Variants in NKX2-8 observed in about 807,000 individuals in gnomAD.
NKX2-8 encodes the protein homeobox protein Nkx-2.8.
Under a neutral mutation model 6.4 loss-of-function variants are expected in NKX2-8, and 8 were observed. That is an observed-to-expected ratio of 1.24 (90% confidence interval 0.73 to 2.24). NKX2-8 has a LOEUF of 2.24. Among genes scored for constraint, NKX2-8 ranks in the 30% most tolerant of loss-of-function variants. NKX2-8 has a pLI of 0.00. For synonymous variants in NKX2-8, 216 were observed against 171.5 expected (o/e 1.26, Z -2.03); for missense variants, 406 against 351.1 (o/e 1.16, Z -1.25).
rs1410565745 is a variant in NKX2-8, at chr14:36,581,155, G to A, written c.467C>T (p.Ser156Phe). Reference sequence around the variant, plus strand: ...GCCGGGCGCGGCGTGCAGCTCGGCGGATGCTGCCAGGTCAGGCGACTCCGC... The same window carrying A: ...GCCGGGCGCGGCGTGCAGCTCGGCGAATGCTGCCAGGTCAGGCGACTCCGC... ...GAAESPDLAA[S>F]AELHAAPGLL... Residue 156 changes from serine to phenylalanine, a missense_variant, in exon 2 of 2, where the codon TCC becomes TTC. By Grantham distance (155) the Ser-to-Phe change is radical (BLOSUM62 -2). Transcript: ENST00000258829. This position sits in a 1 kb window ranked among gnomAD's most constrained non-coding sequence, Gnocchi z 5.6. 6.3e-7 allele frequency: 1 copy of A among 1,575,790 alleles called. No individual in the cohort carries two copies. Among genetic ancestry groups the A allele is most frequent in the Admixed American group, 1.8e-5 (1 of 55,668 alleles).
rs941327282 is a variant in NKX2-8, at chr14:36,581,018, G to C, written c.604C>G (p.Pro202Ala). 3 of 1,346,236 alleles carry C rather than the reference G, an allele frequency of 2.2e-6. No homozygotes were observed. Among genetic ancestry groups the C allele is most frequent in the Non-Finnish European group, 2.8e-6 (3 of 1,057,912 alleles). The allele number at this position is 1,346,236 out of a possible 1,614,324, so 83.4% of individuals were successfully genotyped here. A position where few individuals can be genotyped will look rare whatever the true frequency, so the allele number is the denominator to read the frequency against. ...CCCGGCAGAGGGCAGGCGGCGGCTG[G>C]AGGGGCGCCGCACTTCTCCTGGGCC... ...AAAQEKCGAP[P>A]AAACPLPGYP... Residue 202 changes from proline (P) to alanine (A), a missense_variant, in exon 2 of 2, where the codon CCA becomes GCA. By Grantham distance (27) the Pro-to-Ala change is conservative. Transcript: ENST00000258829. This position sits in a 1 kb window ranked among gnomAD's most constrained non-coding sequence, Gnocchi z 5.6.
chr14:36,580,468 CCA>C lies in NKX2-8; in HGVS notation c.*432_*433del, dbSNP rs1879179733. The C allele has an allele frequency of 6.5e-6, 1 of 154,504 alleles. No individual in the cohort carries two copies. The highest frequency in any genetic ancestry group is 2.1e-4 in the South Asian group (1 of 4,842). 9.6% of individuals were successfully genotyped at this position (154,504 alleles called of 1,614,324 possible). A position where few individuals can be genotyped will look rare whatever the true frequency, so the allele number is the denominator to read the frequency against. On this transcript the variant is annotated 3_prime_UTR_variant, in exon 2 of 2. Transcript: ENST00000258829. ...CCAGCTGGGGCCGGGCCCCACTTAGCCAGTCAAGGGGCGAGCCAGCGATGCGA... is the reference window on the plus strand; with the variant it reads ...CCAGCTGGGGCCGGGCCCCACTTAGCGTCAAGGGGCGAGCCAGCGATGCGA...
rs1566632200 is a variant in NKX2-8 at position 36,581,244 on chromosome 14, C to CGTGGGCGTGAGGCGAAGCAG, written c.358_377dup (p.Gln127CysfsTer20). 2 of 1,610,726 alleles carry CGTGGGCGTGAGGCGAAGCAG rather than the reference C, an allele frequency of 1.2e-6. No individual in the cohort carries two copies. Among genetic ancestry groups the CGTGGGCGTGAGGCGAAGCAG allele is most frequent in the South Asian group, 2.2e-5 (2 of 90,502 alleles). ...GATTCTGGAACCAGATCTTGACCTG[C>CGTGGGCGTGAGGCGAAGCAG]GTGGGCGTGAGGCGAAGCAGGCTCG... On this transcript the variant is annotated frameshift_variant, in exon 2 of 2. Coordinates refer to ENST00000258829, the MANE Select transcript of NKX2-8 (RefSeq NM_014360.4). LOFTEE classifies it low-confidence loss of function (END_TRUNC). The surrounding 1 kb of genome is among the most constrained non-coding windows in gnomAD (Gnocchi z 5.6).
rs1286052095 is a variant in NKX2-8 at position 36,581,123 on chromosome 14, G to T, written c.499C>A (p.Arg167Ser). The T allele has an allele frequency of 6.7e-6, 10 of 1,495,264 alleles. No individual in the cohort carries two copies. The highest frequency in any genetic ancestry group is 8.8e-6 in the Non-Finnish European group (10 of 1,133,498). The allele number at this position is 1,495,264 out of a possible 1,614,324, so 92.6% of individuals were successfully genotyped here. A position where few individuals can be genotyped will look rare whatever the true frequency, so the allele number is the denominator to read the frequency against. The change falls in exon 2 of 2, where the codon CGT becomes AGT. Residue 167 changes from arginine to serine, a missense_variant. By Grantham distance (110) the Arg-to-Ser change is moderately radical. Transcript: ENST00000258829. The surrounding 1 kb of genome is among the most constrained non-coding windows in gnomAD (Gnocchi z 5.6). ...AELHAAPGLLRRVVVPVLVRD... is the reference protein window; with the variant it reads ...AELHAAPGLLSRVVVPVLVRD... ...ACAAGCACCGGCACCACCACGCGAC[G>T]CAGCAGGCCGGGCGCGGCGTGCAGC...
At position 36,580,966 on chromosome 14, in the gene NKX2-8, G is replaced by T; in HGVS notation, c.656C>A (p.Ala219Glu). 3.0e-6 allele frequency: 4 copies of T among 1,350,190 alleles called. No individual in the cohort carries two copies. The highest frequency in any genetic ancestry group is 1.9e-6 in the Non-Finnish European group (2 of 1,060,344). 83.6% of individuals were successfully genotyped at this position (1,350,190 alleles called of 1,614,324 possible). The change falls in exon 2 of 2, where the codon GCG becomes GAG. Residue 219 changes from alanine (A) to glutamate (E), a missense_variant. Transcript: ENST00000258829. ...PGYPAFGPGS[A>E]LGLFPAYQHL... ...CTGGTAGGCGGGGAAGAGGCCAAGCGCCGAGCCGGGACCGAAGGCAGGGTA... is the reference window on the plus strand; with the variant it reads ...CTGGTAGGCGGGGAAGAGGCCAAGCTCCGAGCCGGGACCGAAGGCAGGGTA...
chr14:36,582,223 A>G lies in NKX2-8; in HGVS notation c.157+10T>C. 1 of 1,600,800 alleles carries G rather than the reference A, an allele frequency of 6.2e-7. No individual in the cohort carries two copies. The highest frequency in any genetic ancestry group is 8.5e-7 in the Non-Finnish European group (1 of 1,172,890). On this transcript the variant is annotated intron_variant, in intron 1 of 1. Coordinates refer to ENST00000258829, the MANE Select transcript of NKX2-8 (RefSeq NM_014360.4). ...CTCCCACCCCGCACCGCAATCCACC[A>G]CGCACTTACAAGGGTAGTGGCCGCG...
chr14:36,581,484 C>A lies in NKX2-8; in HGVS notation c.158-20G>T. On this transcript the variant is annotated intron_variant, in intron 1 of 1. Coordinates refer to ENST00000258829, the MANE Select transcript of NKX2-8 (RefSeq NM_014360.4). The surrounding 1 kb of genome is among the most constrained non-coding windows in gnomAD (Gnocchi z 5.6). ...CCGAGGCTAGGGACAGCAAAGGAGA[C>A]ACGGGTGGGTGAGACGCCGGACCCT... 1.3e-6 allele frequency: 2 copies of A among 1,513,768 alleles called. No individual in the cohort carries two copies. Among genetic ancestry groups the A allele is most frequent in the South Asian group, 1.4e-5 (1 of 73,984 alleles). 93.8% of individuals were successfully genotyped at this position (1,513,768 alleles called of 1,614,324 possible).
chr14:36,582,438 G>A lies in NKX2-8; in HGVS notation c.-49C>T. On this transcript the variant is annotated 5_prime_UTR_variant, in exon 1 of 2. Coordinates refer to ENST00000258829, the MANE Select transcript of NKX2-8 (RefSeq NM_014360.4). ...GGGCAGGGCAGGCTGGGAACGGAGG[G>A]GCGGCCGGGACGCCGCTCCTACGGA... 2 of 1,423,682 alleles carry A rather than the reference G, an allele frequency of 1.4e-6. No homozygotes were observed. The highest frequency in any genetic ancestry group is 1.6e-5 in the South Asian group (1 of 63,918). 88.2% of individuals were successfully genotyped at this position (1,423,682 alleles called of 1,614,324 possible).
chr14:36,582,580 G>A lies in NKX2-8; in HGVS notation c.-191C>T. ...CAGGCCGCTTTGAAAGCCGAGGTCCGGGTCTCCAGGGTGTTAAGTACCTGA... is the reference window on the plus strand; with the variant it reads ...CAGGCCGCTTTGAAAGCCGAGGTCCAGGTCTCCAGGGTGTTAAGTACCTGA... On this transcript the variant is annotated 5_prime_UTR_variant, in exon 1 of 2. Transcript: ENST00000258829. The A allele has an allele frequency of 1.9e-6, 1 of 517,532 alleles. No homozygotes were observed. The highest frequency in any genetic ancestry group is 3.5e-5 in the East Asian group (1 of 28,806). 32.1% of individuals were successfully genotyped at this position (517,532 alleles called of 1,614,324 possible).
Position 36,581,295 on chromosome 14 carries a change from C to G in NKX2-8, c.327G>C (p.Leu109=). 1.9e-6 allele frequency: 3 copies of G among 1,597,898 alleles called. No individual in the cohort carries two copies. The highest frequency in any genetic ancestry group is 2.6e-6 in the Non-Finnish European group (3 of 1,173,090). Residue 109 remains leucine (L), a synonymous_variant, in exon 2 of 2, where the codon CTG becomes CTC. Transcript: ENST00000258829. The surrounding 1 kb of genome is among the most constrained non-coding windows in gnomAD (Gnocchi z 5.6). ...CCAGCTGCTCGCGCTCGGGCGCAGA[C>G]AGGTACCGCTGCTGCCGGAAGCGCC... ...LERRFRQQRY[L]SAPEREQLAS...
In NKX2-8 at chr14:36,582,465, G is replaced by T; in HGVS notation, c.-76C>A. 1 of 1,345,490 alleles carries T rather than the reference G, an allele frequency of 7.4e-7. No individual in the cohort carries two copies. Among genetic ancestry groups the T allele is most frequent in the Non-Finnish European group, 9.9e-7 (1 of 1,008,748 alleles). The allele number at this position is 1,345,490 out of a possible 1,614,324, so 83.3% of individuals were successfully genotyped here. A position where few individuals can be genotyped will look rare whatever the true frequency, so the allele number is the denominator to read the frequency against. On this transcript the variant is annotated 5_prime_UTR_variant, in exon 1 of 2. Transcript: ENST00000258829. ...CGGCCGGGACGCCGCTCCTACGGAT[G>T]GGCGTGGGAGGCGCTCGCCATGCGC...
At position 36,581,244 on chromosome 14, in the gene NKX2-8, C is replaced by T; in HGVS notation, c.378G>A (p.Thr126=). The T allele has an allele frequency of 6.2e-7, 1 of 1,610,726 alleles. No homozygotes were observed. The highest frequency in any genetic ancestry group is 8.5e-7 in the Non-Finnish European group (1 of 1,179,118). ...QLASLLRLTP[T]QVKIWFQNHR... ...GATTCTGGAACCAGATCTTGACCTG[C>T]GTGGGCGTGAGGCGAAGCAGGCTCG... The change falls in exon 2 of 2, where the codon ACG becomes ACA. Residue 126 remains threonine, a synonymous_variant. Transcript: ENST00000258829. This position sits in a 1 kb window ranked among gnomAD's most constrained non-coding sequence, Gnocchi z 5.6.
chr14:36,581,075 C>A lies in NKX2-8; in HGVS notation c.547G>T (p.Gly183Cys), dbSNP rs1051811385. Residue 183 changes from glycine to cysteine, a missense_variant, in exon 2 of 2, where the codon GGC (glycine) becomes TGC (cysteine). Coordinates refer to ENST00000258829, the MANE Select transcript of NKX2-8 (RefSeq NM_014360.4). This position sits in a 1 kb window ranked among gnomAD's most constrained non-coding sequence, Gnocchi z 5.6. ...VLVRDGQPCG[G>C]GGGGEVGTAA... is the part of the protein sequence containing the mutation. ...GTTCCCACCTCGCCACCGCCGCCGC[C>A]GCCGCACGGCTGCCCGTCGCGAACA... 14 of 1,387,398 alleles carry A rather than the reference C, an allele frequency of 1.0e-5. No homozygotes were observed. Among genetic ancestry groups the A allele is most frequent in the South Asian group, 3.4e-5 (2 of 58,620 alleles). The allele number at this position is 1,387,398 out of a possible 1,614,324, so 85.9% of individuals were successfully genotyped here.
At position 36,581,316 on chromosome 14, in the gene NKX2-8, G is replaced by A. The variant is rs754289621; in HGVS notation, c.306C>T (p.Arg102=). Residue 102 remains arginine, a synonymous_variant, in exon 2 of 2, where the codon CGC becomes CGT. Transcript: ENST00000258829. The surrounding 1 kb of genome is among the most constrained non-coding windows in gnomAD (Gnocchi z 5.6). ...CAGACAGGTACCGCTGCTGCCGGAA[G>A]CGCCGCTCCAACTCCAGCGTCTGCG... ...SKAQTLELER[R]FRQQRYLSAP... 3.8e-6 allele frequency: 6 copies of A among 1,586,800 alleles called. No individual in the cohort carries two copies. The Admixed American group carries it at 1.1e-4, about 29-fold the overall frequency.
chr14:36,580,369 C>T lies in NKX2-8; in HGVS notation c.*533G>A, dbSNP rs1243212216. Among the ~76,000 whole-genome samples the T allele has an allele frequency of 6.6e-6, 1 of 152,134 alleles. No individual in the cohort carries two copies. Among genetic ancestry groups the T allele is most frequent in the Non-Finnish European group, 1.5e-5 (1 of 68,030 alleles). On this transcript the variant is annotated 3_prime_UTR_variant, in exon 2 of 2. Coordinates refer to ENST00000258829, the MANE Select transcript of NKX2-8 (RefSeq NM_014360.4). ...CCTCTCCTTTTCTTCCCGCGCCCAA[C>T]CCTGACATCACCACCCCTCCATCCC...
rs1388732980 is a variant in NKX2-8, at chr14:36,582,175, T to A, written c.157+58A>T. 153 of 1,526,816 alleles carry A rather than the reference T, an allele frequency of 1.0e-4. No homozygotes were observed. In the East Asian group the frequency reaches 3.6e-3, roughly 36 times the overall value. The allele number at this position is 1,526,816 out of a possible 1,614,324, so 94.6% of individuals were successfully genotyped here. A position where few individuals can be genotyped will look rare whatever the true frequency, so the allele number is the denominator to read the frequency against. On this transcript the variant is annotated intron_variant, in intron 1 of 1. Transcript: ENST00000258829. ...GGCCCCTCGTGGGCTGGGCCCTTGA[T>A]TCTGCTGCCCCACGCCTCCTACCTC...
rs780105733 is a variant in NKX2-8, at chr14:36,581,162, C to G, written c.460G>C (p.Ala154Pro). ...GCGGCGTGCAGCTCGGCGGATGCTGCCAGGTCAGGCGACTCCGCCGCCCCT... is the reference window on the plus strand; with the variant it reads ...GCGGCGTGCAGCTCGGCGGATGCTGGCAGGTCAGGCGACTCCGCCGCCCCT... ...APGAAESPDL[A>P]ASAELHAAPG... is the part of the protein sequence containing the mutation. Residue 154 changes from alanine (A) to proline (P), a missense_variant, in exon 2 of 2, where the codon GCA becomes CCA. Physicochemically the swap from Ala to Pro is conservative, Grantham distance 27 (BLOSUM62 -1). Transcript: ENST00000258829. This position sits in a 1 kb window ranked among gnomAD's most constrained non-coding sequence, Gnocchi z 5.6. 1 of 1,586,448 alleles carries G rather than the reference C, an allele frequency of 6.3e-7. No individual in the cohort carries two copies.
chr14:36,581,269 G>A lies in NKX2-8; in HGVS notation c.353C>T (p.Ala118Val). 1.9e-6 allele frequency: 3 copies of A among 1,605,918 alleles called. No homozygotes were observed. Among genetic ancestry groups the A allele is most frequent in the Non-Finnish European group, 2.5e-6 (3 of 1,177,080 alleles). ...CGTGGGCGTGAGGCGAAGCAGGCTC[G>A]CCAGCTGCTCGCGCTCGGGCGCAGA... ...YLSAPEREQL[A>V]SLLRLTPTQV... Residue 118 changes from alanine (A) to valine (V), a missense_variant, in exon 2 of 2, where the codon GCG (alanine) becomes GTG (valine). Transcript: ENST00000258829. The surrounding 1 kb of genome is among the most constrained non-coding windows in gnomAD (Gnocchi z 5.6).
Position 36,581,272 on chromosome 14 carries a change from A to G in NKX2-8, c.350T>C (p.Leu117Pro). The change falls in exon 2 of 2, where the codon CTG (leucine) becomes CCG (proline). Residue 117 changes from leucine to proline, a missense_variant. Leu to Pro is a moderately conservative substitution (Grantham distance 98). Transcript: ENST00000258829. This position sits in a 1 kb window ranked among gnomAD's most constrained non-coding sequence, Gnocchi z 5.6. The stretch of plus-strand genomic sequence containing the variant: ...GGGCGTGAGGCGAAGCAGGCTCGCC[A>G]GCTGCTCGCGCTCGGGCGCAGACAG... ...RYLSAPEREQ[L>P]ASLLRLTPTQ... The G allele has an allele frequency of 1.2e-6, 2 of 1,605,148 alleles. No individual in the cohort carries two copies. Among genetic ancestry groups the G allele is most frequent in the South Asian group, 1.1e-5 (1 of 89,680 alleles).
Sources: allele counts gnomAD v4.1 joint callset (sites outside exome capture counted in the v4.1 genomes callset), GRCh38; gene constraint gnomAD v4.1.1; non-coding constraint Gnocchi (gnomAD v3.1); transcripts MANE v1.5; gene names NCBI Gene and HGNC (gene_info 2026-07-23, HGNC 2026-07-21).